TMBIM1: variants seen among roughly 807,000 people sequenced by gnomAD.
TMBIM1 encodes transmembrane BAX inhibitor motif containing 1, also known as protein lifeguard 3.
A neutral mutation model predicts 45.1 loss-of-function variants in TMBIM1; 34 were observed. The ratio of observed to expected loss-of-function variants is 0.75; its 90% CI spans 0.57 to 1.00. The LOEUF (loss-of-function observed/expected upper bound fraction) is 1.00. TMBIM1 is among the 50% of genes least tolerant of loss of function. The pLI is 0.00. For synonymous variants in TMBIM1, 157 were observed against 153.5 expected (o/e 1.02, Z -0.17); for missense variants, 374 against 402.4 (o/e 0.93, Z 0.60).
At chr2:218,286,011 G>T (rs1042182460) in intron 1 of TMBIM1, 1 of 154,906 alleles carries the variant, frequency 6.5e-6, no homozygotes, top group Non-Finnish European at 1.5e-5. Context: ...GGCTAGAGAA[G>T]AATGGAGGGT....
At chr2:218,278,316 A>G (rs746458528) in intron 6 of TMBIM1, 199 bp downstream of exon 6, 8 of 631,838 alleles carry the variant, frequency 1.3e-5, no homozygotes, top group African/African-American at 3.7e-5. Flanking sequence ...CAGGGTTACT[A>G]TAAGAGTGAC....
At chr2:218,277,345 A>T in intron 9 of TMBIM1, 21 bp downstream of exon 9, 1 of 1,605,444 alleles carries the variant, frequency 6.2e-7, no homozygotes, top group African/African-American at 1.3e-5. Context: ...GGGGCCAGGG[A>T]AGGGCCCTCC....
At chr2:218,278,657 G>T (rs997662985) in intron 5 of TMBIM1, 92 bp from the exon 6 acceptor site, 3 of 1,414,470 alleles carry the variant, frequency 2.1e-6, no homozygotes, top group African/African-American at 2.8e-5. Flanking sequence ...CCAAATAGCC[G>T]TTTGGAAGTC....
chr2:218,275,571 G>C lies in TMBIM1; in HGVS notation c.840C>G (p.Ile280Met), dbSNP rs766610505. Residue 280 changes from isoleucine to methionine, a missense_variant, in exon 12 of 12, where the codon ATC becomes ATG. Physicochemically the swap from Ile to Met is conservative, Grantham distance 10. Transcript: ENST00000258412. ...CGCCAGTGATGTAGTCCTCGGGGCTGATGGTGTGCTTCCGGTTCCCCAGGA... is the reference window on the plus strand; with the variant it reads ...CGCCAGTGATGTAGTCCTCGGGGCTCATGGTGTGCTTCCGGTTCCCCAGGA... ...QLVLGNRKHTISPEDYITGAL... is the reference protein window; with the variant it reads ...QLVLGNRKHTMSPEDYITGAL... 1 of 1,614,080 alleles carries C rather than the reference G, an allele frequency of 6.2e-7. No individual in the cohort carries two copies. Among genetic ancestry groups the C allele is most frequent in the South Asian group, 1.1e-5 (1 of 91,074 alleles).
chr2:218,275,906 A>T (rs1422053636), intron 11 of TMBIM1, 120 bp downstream of exon 11: 1 of 1,205,718 alleles, frequency 8.3e-7, no homozygotes, highest in African/African-American at 1.5e-5. Flanking sequence ...CAGTAGTGAG[A>T]GGAATGGCCT....
chr2:218,282,967 A>T (rs1028294992), intron 1 of TMBIM1, among the ~76,000 whole-genome samples: 8 of 152,168 alleles, frequency 5.3e-5, no homozygotes, highest in Non-Finnish European at 1.5e-5. Context: ...TAGGGAAGAG[A>T]GAGTGAGTGC....
chr2:218,277,384 G>C lies in TMBIM1; in HGVS notation c.621C>G (p.Ile207Met). 1 of 1,614,176 alleles carries C rather than the reference G, an allele frequency of 6.2e-7. No homozygotes were observed. The highest frequency in any genetic ancestry group is 1.3e-5 in the African/African-American group (1 of 75,062). Residue 207 changes from isoleucine to methionine, a missense_variant, in exon 9 of 12, where the codon ATC becomes ATG. Ile to Met is a conservative substitution (Grantham distance 10). Coordinates refer to ENST00000258412, the MANE Select transcript of TMBIM1 (RefSeq NM_022152.6). Reference sequence around the variant, plus strand: ...CCCTCACCTTGGTCTGAAAGCAGAAGATGGTGACTGAAATGGATACCACCG... The same window carrying C: ...CCCTCACCTTGGTCTGAAAGCAGAACATGGTGACTGAAATGGATACCACCG... ...ITAVVSISVT[I>M]FCFQTKVDFT... is the part of the protein sequence containing the mutation.
intron 1 of TMBIM1, among the ~76,000 whole-genome samples, chr2:218,288,703 A>G (rs1692718847): frequency 6.6e-6 from 1 of 152,206 alleles, no homozygotes; most frequent in Admixed American, 6.5e-5. Flanking sequence ...TCCAAAATCC[A>G]TGTGCTTCTG....
intron 1 of TMBIM1, among the ~76,000 whole-genome samples, chr2:218,289,625 G>GA (rs10675061): frequency 0.081 from 7,104 of 87,748 alleles, 1,064 homozygotes; most frequent in African/African-American, 0.27. Flanking sequence ...CTGGGCGACA[G>GA]AAAAAAAAAA....
chr2:218,289,519 A>G (rs1256354787), intron 1 of TMBIM1, among the ~76,000 whole-genome samples: 1 of 151,392 alleles, frequency 6.6e-6, no homozygotes, highest in African/African-American at 2.4e-5. Context: ...GCACATGCCT[A>G]TAATCCCAGC....
At chr2:218,282,556 A>G (rs1692127234) in intron 1 of TMBIM1, among the ~76,000 whole-genome samples, 1 of 152,262 alleles carries the variant, frequency 6.6e-6, no homozygotes, top group African/African-American at 2.4e-5. Flanking sequence ...CAGATGGGCC[A>G]GGCACAGCCT....
chr2:218,278,045 G>A (rs1439405152), intron 6 of TMBIM1, 71 bp from the exon 7 acceptor site: 4 of 1,564,812 alleles, frequency 2.6e-6, no homozygotes, highest in Non-Finnish European at 3.5e-6. Flanking sequence ...TACAGCAGAA[G>A]GAAGCGCTTG....
chr2:218,276,466 T>C (rs1175367424), intron 10 of TMBIM1, among the ~76,000 whole-genome samples: 1 of 151,606 alleles, frequency 6.6e-6, no homozygotes, highest in Non-Finnish European at 1.5e-5. Context: ...ACCCCTCTGG[T>C]GAGTATCAAA....
Position 218,277,086 on chromosome 2 carries a change from G to C in TMBIM1, c.653C>G (p.Ser218Trp). The C allele has an allele frequency of 6.2e-7, 1 of 1,614,130 alleles. No individual in the cohort carries two copies. The highest frequency in any genetic ancestry group is 8.5e-7 in the Non-Finnish European group (1 of 1,179,998). ...CAGGACACAGAAGAGGCCTGTGCAC[G>C]AGGTGAAGTCCACCTGCCAGGAAGC... ...FCFQTKVDFT[S>W]CTGLFCVLGI... The change falls in exon 10 of 12, where the codon TCG (serine) becomes TGG (tryptophan). Residue 218 changes from serine (S) to tryptophan (W), a missense_variant. Transcript: ENST00000258412.
chr2:218,277,350 C>T lies in TMBIM1; in HGVS notation c.639+16G>A. The T allele has an allele frequency of 6.2e-7, 1 of 1,612,494 alleles. No individual in the cohort carries two copies. The highest frequency in any genetic ancestry group is 1.1e-5 in the South Asian group (1 of 91,056). On this transcript the variant is annotated intron_variant, in intron 9 of 11. Transcript: ENST00000258412. ...GGGGAGTCGGGGGGCCAGGGAAGGG[C>T]CCTCCATGCCCTCACCTTGGTCTGA...
At chr2:218,278,015 C>T in intron 6 of TMBIM1, 41 bp from the exon 7 acceptor site, 2 of 1,611,522 alleles carry the variant, frequency 1.2e-6, no homozygotes, top group Non-Finnish European at 1.7e-6. Context: ...ACTTGGGGCC[C>T]CTCAGGCGTC....
At chr2:218,291,695 T>C (rs1375620521) in intron 1 of TMBIM1, among the ~76,000 whole-genome samples, 1 of 152,106 alleles carries the variant, frequency 6.6e-6, no homozygotes, top group Non-Finnish European at 1.5e-5. Context: ...CTCCCACTGG[T>C]CCCTGGCTCC....
In TMBIM1 at chr2:218,279,987, G is replaced by A. The variant is rs927732237; in HGVS notation, c.303+39C>T. On this transcript the variant is annotated intron_variant, in intron 3 of 11. Transcript: ENST00000258412. ...CCCACTTCCCATTCCCACAGCCTGA[G>A]GGGCCCCAGGTACACCCACCTCCCA... The A allele has an allele frequency of 8.9e-6, 14 of 1,567,852 alleles. No homozygotes were observed. In the African/African-American group the frequency reaches 1.6e-4, roughly 18 times the overall value.
intron 1 of TMBIM1, among the ~76,000 whole-genome samples, chr2:218,283,004 C>T (rs1692187593): frequency 1.3e-5 from 2 of 152,172 alleles, no homozygotes; most frequent in African/African-American, 4.8e-5. Flanking sequence ...CCCCTTACCC[C>T]CACCCTGGAG....
Sources: allele counts gnomAD v4.1 joint callset (sites outside exome capture counted in the v4.1 genomes callset), GRCh38; gene constraint gnomAD v4.1.1; transcripts MANE v1.5; gene names NCBI Gene and HGNC (gene_info 2026-07-23, HGNC 2026-07-21).